MAPK14: variants seen among roughly 807,000 people sequenced by gnomAD.
The protein encoded by MAPK14 is mitogen-activated protein kinase 14.
In MAPK14, 16 loss-of-function variants were observed where a neutral mutation model predicts 49.6. That is an observed-to-expected ratio of 0.32 (90% confidence interval 0.22 to 0.49). The LOEUF is 0.49. MAPK14 is among the 20% of genes least tolerant of loss of function. MAPK14 has a pLI of 0.99. For missense variants in MAPK14, 200 were observed against 441.2 expected (o/e 0.45, Z 4.90); for synonymous variants, 142 against 158.0 (o/e 0.90, Z 0.76).
At chr6:36,099,279 TTAG>T (rs1464833551) in intron 9 of MAPK14, among the ~76,000 whole-genome samples, 3 of 152,252 alleles carry the variant, frequency 2.0e-5, no homozygotes, top group African/African-American at 7.2e-5. Flanking sequence ...ACTTCTGCTC[TTAG>T]TAGGAACATG....
the MAPK14 span, among the ~76,000 whole-genome samples, chr6:36,119,266 A>G: frequency 2.6e-5 from 4 of 152,240 alleles, no homozygotes; most frequent in Non-Finnish European, 5.9e-5. Flanking sequence ...AAGGCTTTCA[A>G]AGCATGTCCC....
the MAPK14 span, among the ~76,000 whole-genome samples, chr6:36,119,021 T>C: frequency 6.6e-6 from 1 of 152,238 alleles, no homozygotes; most frequent in Non-Finnish European, 1.5e-5. Context: ...AACATATTTA[T>C]TGTTGAAAAT....
the MAPK14 span, among the ~76,000 whole-genome samples, chr6:36,124,176 C>CTTCCTTCCTTCCTTCT: frequency 2.2e-5 from 3 of 135,206 alleles, no homozygotes; most frequent in East Asian, 7.7e-4. Flanking sequence ...TCCTTCCTTC[C>CTTCCTTCCTTCCTTCT]TGCCTTCCTT....
the MAPK14 span, among the ~76,000 whole-genome samples, chr6:36,119,856 C>A: frequency 6.6e-6 from 1 of 152,124 alleles, no homozygotes; most frequent in Admixed American, 6.6e-5. Context: ...GCAGATCTCA[C>A]CAACAACCTT....
intron 10 of MAPK14, among the ~76,000 whole-genome samples, chr6:36,105,573 AAT>A (rs150518635): frequency 4.0e-5 from 6 of 151,248 alleles, no homozygotes; most frequent in Admixed American, 6.6e-5. Flanking sequence ...CCATCAGAAG[AAT>A]ATATATATAT....
At chr6:36,061,499 A>G (rs544679960) in intron 3 of MAPK14, among the ~76,000 whole-genome samples, 5 of 152,250 alleles carry the variant, frequency 3.3e-5, no homozygotes, top group Non-Finnish European at 5.9e-5. Flanking sequence ...TTCAATAAAT[A>G]CTATGGCTGT....
rs145176132 is a variant in MAPK14, at chr6:36,060,892, C to G, written c.305+1545C>G. Among the ~76,000 whole-genome samples, 3 of 152,270 alleles carry G rather than the reference C, an allele frequency of 2.0e-5. No individual in the cohort carries two copies. The East Asian group carries it at 5.8e-4, about 29-fold the overall frequency. On this transcript the variant is annotated intron_variant, in intron 3 of 11. Coordinates refer to ENST00000229794, the MANE Select transcript of MAPK14 (RefSeq NM_139012.3). ...ACAAGATCTCCTTGGCTACATTAAC[C>G]TTGATCCTGCTAATGAAAGTTTAAG...
intron 3 of MAPK14, among the ~76,000 whole-genome samples, chr6:36,067,028 T>C (rs1030244887): frequency 2.8e-4 from 43 of 152,258 alleles, no homozygotes; most frequent in African/African-American, 1.0e-3. Context: ...TTAACATTTA[T>C]GTTTACAATT....
intron 8 of MAPK14, 110 bp downstream of exon 8, chr6:36,076,718 T>G: frequency 6.8e-6 from 5 of 731,440 alleles, no homozygotes; most frequent in Non-Finnish European, 9.0e-6. Context: ...TTTGCTTTTA[T>G]AGTCTAGATA....
At chr6:36,037,205 G>A (rs1581730928) in intron 1 of MAPK14, among the ~76,000 whole-genome samples, 1 of 152,168 alleles carries the variant, frequency 6.6e-6, no homozygotes, top group East Asian at 1.9e-4. Flanking sequence ...ACTGTGTTGT[G>A]GTTGTCTGGA....
chr6:36,086,499 A>G (rs1329989721), intron 8 of MAPK14, among the ~76,000 whole-genome samples: 2 of 152,194 alleles, frequency 1.3e-5, no homozygotes, highest in Non-Finnish European at 2.9e-5. Flanking sequence ...AAATATGAAC[A>G]ACTATCAGAG....
At chr6:36,123,178 G>A in the MAPK14 span, among the ~76,000 whole-genome samples, 1 of 152,254 alleles carries the variant, frequency 6.6e-6, no homozygotes, top group East Asian at 1.9e-4. Flanking sequence ...TCTGGCTCAT[G>A]CAGAGCTTCA....
In MAPK14 at chr6:36,107,883, T is replaced by C. The variant is rs1051894685; in HGVS notation, c.1015+255T>C. Among the ~76,000 whole-genome samples the C allele has an allele frequency of 3.9e-5, 6 of 152,214 alleles. No homozygotes were observed. The highest frequency in any genetic ancestry group is 1.4e-4 in the African/African-American group (6 of 41,450). ...TGGAGAGTTGAGGTTTTCAGAGTCA[T>C]TGCATTTACAACATCTCTCTGAGCT... On this transcript the variant is annotated intron_variant, in intron 11 of 11. Transcript: ENST00000229794. The surrounding 1 kb of genome is among the most constrained non-coding windows in gnomAD (Gnocchi z 4.3).
At chr6:36,042,574 C>G (rs779054136) in intron 1 of MAPK14, among the ~76,000 whole-genome samples, 9 of 150,016 alleles carry the variant, frequency 6.0e-5, no homozygotes, top group Non-Finnish European at 1.2e-4. Flanking sequence ...TCACTGCAGC[C>G]TTGAACTCCT....
chr6:36,093,740 AAAAC>A (rs1765339896), intron 8 of MAPK14, among the ~76,000 whole-genome samples: 1 of 151,720 alleles, frequency 6.6e-6, no homozygotes, highest in Non-Finnish European at 1.5e-5. Context: ...AAAAAAAAAA[AAAAC>A]AACTGACTCT....
chr6:36,048,979 T>G (rs1195476222), intron 1 of MAPK14, among the ~76,000 whole-genome samples: 1 of 152,076 alleles, frequency 6.6e-6, no homozygotes, highest in Non-Finnish European at 1.5e-5. Context: ...AGAGTTTGAG[T>G]AGAAGCAGCA....
chr6:36,107,570 G>A lies in MAPK14; in HGVS notation c.957G>A (p.Val319=). The stretch of plus-strand genomic sequence containing the variant: ...ACCACGATCCTGATGATGAACCAGT[G>A]GCCGATCCTTATGATCAGTCCTTTG... ...AQYHDPDDEP[V]ADPYDQSFES... The change falls in exon 11 of 12, where the codon GTG becomes GTA. Residue 319 remains valine (V), a synonymous_variant. Coordinates refer to ENST00000229794, the MANE Select transcript of MAPK14 (RefSeq NM_139012.3). The surrounding 1 kb of genome is among the most constrained non-coding windows in gnomAD (Gnocchi z 4.3). 1 of 1,606,338 alleles carries A rather than the reference G, an allele frequency of 6.2e-7. No individual in the cohort carries two copies. The highest frequency in any genetic ancestry group is 8.5e-7 in the Non-Finnish European group (1 of 1,176,434).
intron 9 of MAPK14, among the ~76,000 whole-genome samples, chr6:36,102,018 G>A (rs1581849731): frequency 6.6e-6 from 1 of 152,280 alleles, no homozygotes; most frequent in Non-Finnish European, 1.5e-5. Context: ...AAAGTACTAG[G>A]TTTGTTATCT....
chr6:36,036,060 G>GA (rs769268277), intron 1 of MAPK14, among the ~76,000 whole-genome samples: 3 of 151,968 alleles, frequency 2.0e-5, no homozygotes, highest in Non-Finnish European at 2.9e-5. Context: ...TCTGCCTCTA[G>GA]AAAAAATACA....
Sources: gnomAD v4.1 joint callset for allele counts (sites outside exome capture counted in the v4.1 genomes callset) on GRCh38, gnomAD v4.1.1 for gene constraint, Gnocchi (gnomAD v3.1) non-coding constraint, MANE v1.5 for transcripts, NCBI Gene and HGNC (gene_info 2026-07-23, HGNC 2026-07-21) for gene names.